ASTN2: variants seen among roughly 807,000 people sequenced by gnomAD.
ASTN2 encodes the protein astrotactin 2, also known as astrotactin-2.
Under a neutral mutation model 139.8 loss-of-function variants are expected in ASTN2, and 54 were observed. That is an observed-to-expected ratio of 0.39 (90% CI 0.31 to 0.48). The LOEUF (loss-of-function observed/expected upper bound fraction) is 0.48, where lower values mean the gene tolerates loss of function less well. ASTN2 is among the 20% of genes least tolerant of loss of function. The pLI is 0.95. For missense variants in ASTN2, 1,565 were observed against 1,725.1 expected (o/e 0.91, Z 1.64); for synonymous variants, 756 against 719.5 (o/e 1.05, Z -0.81).
At chr9:116,891,489 G>T (rs1833759717) in intron 10 of ASTN2, among the ~76,000 whole-genome samples, 2 of 152,220 alleles carry the variant, frequency 1.3e-5, no homozygotes, top group Admixed American at 6.5e-5. Context: ...TAGCCCAACT[G>T]TGTAAAGCAG....
At position 116,901,773 on chromosome 9, in the gene ASTN2, C is replaced by T. The variant is rs139188622; in HGVS notation, c.1890-38040G>A. On this transcript the variant is annotated intron_variant, in intron 10 of 22. Transcript: ENST00000313400. ...GTTATAGGCCAGGCACGGTGGCTCA[C>T]GCCTGTAATCCCAGCACTTTGGGAG... Among the ~76,000 whole-genome samples, 72 of 152,274 alleles carry T rather than the reference C, an allele frequency of 4.7e-4. 1 individual carries two copies. Among genetic ancestry groups the T allele is most frequent in the African/African-American group, 1.7e-3 (69 of 41,556 alleles).
Position 116,686,915 on chromosome 9 carries a change from AT to A in ASTN2, c.2807-35123del, listed in dbSNP as rs1860254273. The A allele has an allele frequency of 5.3e-6, 8 of 1,505,356 alleles. No individual in the cohort carries two copies. The Admixed American group carries it at 1.5e-4, about 27-fold the overall frequency. The allele number at this position is 1,505,356 out of a possible 1,614,324, so 93.2% of individuals were successfully genotyped here. A position where few individuals can be genotyped will look rare whatever the true frequency, so the allele number is the denominator to read the frequency against. On this transcript the variant is annotated intron_variant, in intron 16 of 22. Transcript: ENST00000313400. ...TCGACTTCCCCAGAATGGAAGTTTGATTTTTCCGTTGGCCCATTTCTCAGAT... is the reference window on the plus strand; with the variant it reads ...TCGACTTCCCCAGAATGGAAGTTTGATTTTCCGTTGGCCCATTTCTCAGAT...
At chr9:117,282,296 T>C (rs1834344065) in intron 2 of ASTN2, among the ~76,000 whole-genome samples, 1 of 152,228 alleles carries the variant, frequency 6.6e-6, no homozygotes, top group South Asian at 2.1e-4. Context: ...GTCCATATTA[T>C]ATATACATAG....
chr9:117,380,400 A>T (rs1311003021), intron 1 of ASTN2, among the ~76,000 whole-genome samples: 4 of 151,968 alleles, frequency 2.6e-5, no homozygotes, highest in African/African-American at 9.7e-5. Flanking sequence ...AGGTCAAGAG[A>T]TCAAGACCAT....
chr9:117,192,296 C>T (rs1236886873), intron 3 of ASTN2, among the ~76,000 whole-genome samples: 1 of 151,920 alleles, frequency 6.6e-6, no homozygotes, highest in East Asian at 1.9e-4. Flanking sequence ...CCAGGATGGC[C>T]TTGTGAACTC....
intron 3 of ASTN2, among the ~76,000 whole-genome samples, chr9:117,178,869 G>A (rs1175975736): frequency 1.3e-5 from 2 of 152,172 alleles, no homozygotes; most frequent in Non-Finnish European, 2.9e-5. Flanking sequence ...GTGTTCCTGG[G>A]CCCACCACCA....
intron 2 of ASTN2, among the ~76,000 whole-genome samples, chr9:117,230,426 C>A (rs1832856390): frequency 6.6e-6 from 1 of 152,152 alleles, no homozygotes; most frequent in Non-Finnish European, 1.5e-5. Context: ...TGTCTCTCTC[C>A]ATCTCCTCTT....
rs573839114 is a variant in ASTN2 at position 117,140,665 on chromosome 9, G to A, written c.1168+661C>T. Among the ~76,000 whole-genome samples, 3 of 151,560 alleles carry A rather than the reference G, an allele frequency of 2.0e-5. No individual in the cohort carries two copies. The South Asian group carries it at 6.3e-4, about 32-fold the overall frequency. ...GGAAAAGGAGGAGGAGGGGAGGAGA[G>A]AAGAGAAGAGAAGGAGAAGGAGAAG... On this transcript the variant is annotated intron_variant, in intron 4 of 22. Coordinates refer to ENST00000313400, the MANE Select transcript of ASTN2 (RefSeq NM_001365068.1).
At chr9:117,213,093 A>AT (rs1564482321) in intron 3 of ASTN2, among the ~76,000 whole-genome samples, 1 of 152,190 alleles carries the variant, frequency 6.6e-6, no homozygotes, top group Non-Finnish European at 1.5e-5. Flanking sequence ...AATGGAATAC[A>AT]TTCAGCCATA....
intron 11 of ASTN2, among the ~76,000 whole-genome samples, chr9:116,852,217 C>T (rs545824060): frequency 1.3e-5 from 2 of 152,276 alleles, no homozygotes; most frequent in African/African-American, 4.8e-5. Context: ...GGAAGGGAGG[C>T]CATGGCCCTG....
intron 13 of ASTN2, among the ~76,000 whole-genome samples, chr9:116,782,140 G>T (rs1309223807): frequency 6.6e-6 from 1 of 152,092 alleles, no homozygotes; most frequent in African/African-American, 2.4e-5. Flanking sequence ...GTAGCAAAGG[G>T]AGAGAGGAAA....
chr9:117,214,691 A>G lies in ASTN2; in HGVS notation c.682T>C (p.Tyr228His). 1.3e-6 allele frequency: 2 copies of G among 1,539,250 alleles called. No homozygotes were observed. Among genetic ancestry groups the G allele is most frequent in the South Asian group, 1.3e-5 (1 of 78,960 alleles). Residue 228 changes from tyrosine (Y) to histidine (H), a missense_variant, in exon 3 of 23, where the codon TAC becomes CAC. By Grantham distance (83) the Tyr-to-His change is moderately conservative (BLOSUM62 2). Coordinates refer to ENST00000313400, the MANE Select transcript of ASTN2 (RefSeq NM_001365068.1). ...CGCTTCTGCCAACGTCGCTGGGCGT[A>G]CAGCGCCACGGTGAACACCAGCAGC... is the stretch of plus-strand genomic sequence containing the variant. Reference protein sequence around the residue: ...LLLLVFTVALYAQRRWQKRRR... With the variant: ...LLLLVFTVALHAQRRWQKRRR...
At chr9:117,305,844 G>A (rs1834985662) in intron 1 of ASTN2, among the ~76,000 whole-genome samples, 1 of 152,198 alleles carries the variant, frequency 6.6e-6, no homozygotes, top group South Asian at 2.1e-4. Flanking sequence ...AGGTAACAAT[G>A]CTGAGTTACT....
At chr9:116,965,247 T>G (rs1835982601) in intron 10 of ASTN2, among the ~76,000 whole-genome samples, 1 of 152,222 alleles carries the variant, frequency 6.6e-6, no homozygotes, top group Non-Finnish European at 1.5e-5. Flanking sequence ...GTCCAACCTG[T>G]TAGATGAATA....
intron 3 of ASTN2, among the ~76,000 whole-genome samples, chr9:117,161,602 C>T (rs1830553988): frequency 6.6e-6 from 1 of 151,998 alleles, no homozygotes; most frequent in Admixed American, 6.6e-5. Context: ...CCATGTTGGC[C>T]AGGCTGGTCT....
At chr9:117,013,435 C>T (rs900928708) in intron 6 of ASTN2, among the ~76,000 whole-genome samples, 1 of 150,792 alleles carries the variant, frequency 6.6e-6, no homozygotes, top group East Asian at 1.9e-4. Context: ...GCCAAAATCT[C>T]AACTTCAAAA....
Position 116,729,045 on chromosome 9 carries a change from C to T in ASTN2, c.2573G>A (p.Arg858Gln), listed in dbSNP as rs374128582. The part of the protein sequence containing the change: ...AMGYPMVQQW[R>Q]VRSNLYRVKL... Reference sequence around the variant, plus strand: ...CACACGGTAGAGGTTGCTCCGGACCCGCCACTGCTGCACCATGGGGTAACC... The same window carrying T: ...CACACGGTAGAGGTTGCTCCGGACCTGCCACTGCTGCACCATGGGGTAACC... Residue 858 changes from arginine to glutamine, a missense_variant, in exon 15 of 23, where the codon CGG becomes CAG. Around this residue, in one of 4 missense-constraint regions of ASTN2, gnomAD observed 503 missense variants for 591.7 expected, o/e 0.85. Transcript: ENST00000313400. The T allele has an allele frequency of 1.1e-5, 17 of 1,598,222 alleles. No homozygotes were observed. The highest frequency in any genetic ancestry group is 1.6e-4 in the Middle Eastern group (1 of 6,068).
At chr9:116,817,164 C>T (rs1402736616) in intron 12 of ASTN2, among the ~76,000 whole-genome samples, 4 of 151,780 alleles carry the variant, frequency 2.6e-5, no homozygotes, top group South Asian at 2.1e-4. Context: ...TGTGGTGGCA[C>T]GCACCTATAG....
chr9:117,383,824 G>C (rs912279729), intron 1 of ASTN2, among the ~76,000 whole-genome samples: 1 of 152,120 alleles, frequency 6.6e-6, no homozygotes, highest in Admixed American at 6.5e-5. Context: ...AAATGGAGCC[G>C]GGTGCAATTT....
Sources: allele counts gnomAD v4.1 joint callset (sites outside exome capture counted in the v4.1 genomes callset), GRCh38; gene constraint gnomAD v4.1.1; regional missense constraint gnomAD v4.1.1; transcripts MANE v1.5; gene names NCBI Gene and HGNC (gene_info 2026-07-23, HGNC 2026-07-21).